Variants in RTL4 observed in about 807,000 individuals in gnomAD.
The protein encoded by RTL4 is retrotransposon Gag like 4, also known as retrotransposon Gag-like protein 4.
RTL4 carries 4 observed loss-of-function variants against 5.3 expected under a neutral mutation model. That is an observed-to-expected ratio of 0.75 (90% CI 0.37 to 1.72). The LOEUF is 1.72. RTL4 is among the 40% of genes most tolerant of loss of function. RTL4 has a pLI of 0.04. For missense variants in RTL4, 260 were observed against 227.1 expected (o/e 1.14, Z -0.93); for synonymous variants, 98 against 87.3 (o/e 1.12, Z -0.68).
At chrX:112,083,791 T>C in the RTL4 span, among the ~76,000 whole-genome samples, 2 of 111,402 alleles carry the variant, frequency 1.8e-5, no homozygotes, top group Non-Finnish European at 3.8e-5. Flanking sequence ...TCCACCCTCT[T>C]GAGCCCAACT....
the RTL4 span, among the ~76,000 whole-genome samples, chrX:112,129,226 C>G: frequency 7.2e-5 from 8 of 111,199 alleles, no homozygotes; most frequent in African/African-American, 2.3e-4. Flanking sequence ...AAATTAGAAC[C>G]CTTTTGTATT....
chrX:112,105,148 A>G, the RTL4 span, among the ~76,000 whole-genome samples: 7 of 111,832 alleles, frequency 6.3e-5, no homozygotes, highest in East Asian at 2.0e-3. Flanking sequence ...TGAAGAGACC[A>G]TGCTTTCTTT....
the RTL4 span, among the ~76,000 whole-genome samples, chrX:112,409,113 C>G: frequency 8.9e-6 from 1 of 111,962 alleles, no homozygotes; most frequent in Non-Finnish European, 1.9e-5. Flanking sequence ...TGTAAGTGCA[C>G]AGAGAAACAC....
chrX:112,190,066 A>C, the RTL4 span, among the ~76,000 whole-genome samples: 1 of 112,352 alleles, frequency 8.9e-6, no homozygotes, highest in East Asian at 2.8e-4. Context: ...GCGATAATGC[A>C]TCTTTGTGGA....
the RTL4 span, among the ~76,000 whole-genome samples, chrX:112,275,405 G>A: frequency 3.6e-5 from 4 of 111,027 alleles, no homozygotes; most frequent in African/African-American, 1.3e-4. Flanking sequence ...AAATTGTGAT[G>A]GTGGACTCTT....
At chrX:112,349,430 T>A in the RTL4 span, among the ~76,000 whole-genome samples, 8 of 111,208 alleles carry the variant, frequency 7.2e-5, no homozygotes, top group Non-Finnish European at 1.9e-5. Flanking sequence ...GGGGATACCA[T>A]TGAATCTATA....
At chrX:112,389,665 G>A in the RTL4 span, among the ~76,000 whole-genome samples, 1 of 111,171 alleles carries the variant, frequency 9.0e-6, no homozygotes, top group Non-Finnish European at 1.9e-5. Flanking sequence ...TTACCTAAAA[G>A]TCATTCAGGA....
At chrX:112,416,120 C>T in the RTL4 span, among the ~76,000 whole-genome samples, 7 of 111,345 alleles carry the variant, frequency 6.3e-5, no homozygotes, top group Non-Finnish European at 1.3e-4. Context: ...TGCATGACCA[C>T]CTTTCCTCTA....
chrX:112,088,699 C>T, the RTL4 span, among the ~76,000 whole-genome samples: 1 of 112,241 alleles, frequency 8.9e-6, no homozygotes, highest in Admixed American at 9.4e-5. Context: ...GTTCCAGTTT[C>T]TCCACATCCT....
chrX:112,185,376 A>ATATATATATATAT, the RTL4 span, among the ~76,000 whole-genome samples: 103 of 85,254 alleles, frequency 1.2e-3, no homozygotes, highest in African/African-American at 2.3e-3. Context: ...CTATTTTATT[A>ATATATATATATAT]ATATATATAT....
At chrX:112,150,538 A>T in the RTL4 span, among the ~76,000 whole-genome samples, 1 of 111,250 alleles carries the variant, frequency 9.0e-6, no homozygotes, top group African/African-American at 3.3e-5. Flanking sequence ...GAAATTCAAG[A>T]GGAAAAATAT....
chrX:112,260,488 A>G, the RTL4 span, among the ~76,000 whole-genome samples: 2 of 111,960 alleles, frequency 1.8e-5, no homozygotes, highest in African/African-American at 6.5e-5. Context: ...CAGGTATTAC[A>G]TTGAAGAAAA....
the RTL4 span, among the ~76,000 whole-genome samples, chrX:112,171,965 A>G: frequency 8.9e-6 from 1 of 112,411 alleles, no homozygotes; most frequent in South Asian, 3.7e-4. Flanking sequence ...TATCCATCTG[A>G]CAAAGGTCTG....
chrX:112,116,714 C>T, the RTL4 span, among the ~76,000 whole-genome samples: 4 of 111,613 alleles, frequency 3.6e-5, no homozygotes, highest in African/African-American at 3.3e-5. Context: ...ACAATTCTCT[C>T]GTAAGACAGA....
the RTL4 span, among the ~76,000 whole-genome samples, chrX:112,430,344 C>A: frequency 2.0e-4 from 22 of 110,726 alleles, no homozygotes; most frequent in South Asian, 7.6e-3. Context: ...TTAATTAGGT[C>A]ATCAAAGGCA....
At chrX:112,236,435 ATC>A in the RTL4 span, among the ~76,000 whole-genome samples, 1 of 78,591 alleles carries the variant, frequency 1.3e-5, no homozygotes, top group East Asian at 4.2e-4. Context: ...ATAGATATAG[ATC>A]TATATCTATA....
chrX:112,314,516 A>G, the RTL4 span, among the ~76,000 whole-genome samples: 1 of 78,718 alleles, frequency 1.3e-5, no homozygotes, highest in South Asian at 4.2e-4. Flanking sequence ...GGTGAAAGCT[A>G]CATGAAGGAC....
the RTL4 span, among the ~76,000 whole-genome samples, chrX:112,105,984 T>A: frequency 1.8e-5 from 2 of 112,138 alleles, no homozygotes; most frequent in African/African-American, 6.5e-5. Context: ...GTTTTCAACT[T>A]TTCCTTGTTA....
the RTL4 span, among the ~76,000 whole-genome samples, chrX:112,153,667 T>C: frequency 0.038 from 4,214 of 111,308 alleles, 160 homozygotes; most frequent in African/African-American, 0.11. Context: ...TTCTTTCAAG[T>C]GTGTGTTTGG....
Sources: allele counts gnomAD v4.1 joint callset (sites outside exome capture counted in the v4.1 genomes callset), GRCh38; gene constraint gnomAD v4.1.1; transcripts MANE v1.5; gene names NCBI Gene and HGNC (gene_info 2026-07-23, HGNC 2026-07-21).